Variants in RIMS2 observed in about 807,000 individuals in gnomAD.
RIMS2 encodes the protein regulating synaptic membrane exocytosis 2, also known as regulating synaptic membrane exocytosis protein 2.
A neutral mutation model predicts 174.4 loss-of-function variants in RIMS2; 59 were observed. That is an observed-to-expected ratio of 0.34 (90% CI 0.27 to 0.42). The LOEUF (loss-of-function observed/expected upper bound fraction) is 0.42, where lower values mean the gene tolerates loss of function less well. RIMS2 is among the 10% of genes least tolerant of loss of function. RIMS2 has a pLI of 1.00. For synonymous variants in RIMS2, 606 were observed against 572.5 expected, an observed-to-expected ratio of 1.06 and a Z score of -0.84; for missense variants, 1,620 against 1,666.3, an observed-to-expected ratio of 0.97 and a Z score of 0.48.
intron 1 of RIMS2, among the ~76,000 whole-genome samples, chr8:103,594,610 G>T (rs2094412588): frequency 6.6e-6 from 1 of 151,650 alleles, no homozygotes; most frequent in Admixed American, 6.6e-5. Context: ...CACGTAAATG[G>T]TCTGCAAATA....
intron 1 of RIMS2, among the ~76,000 whole-genome samples, chr8:103,695,170 C>T (rs1336248004): frequency 1.3e-5 from 2 of 152,154 alleles, no homozygotes; most frequent in East Asian, 1.9e-4. Flanking sequence ...CCTTTTTACC[C>T]TGTTCAGTGC....
chr8:103,972,654 G>A (rs2093010096), intron 15 of RIMS2, among the ~76,000 whole-genome samples: 1 of 152,226 alleles, frequency 6.6e-6, no homozygotes, highest in South Asian at 2.1e-4. Flanking sequence ...GAACATGTGA[G>A]ACGCACTGCT....
chr8:103,632,542 T>A (rs1348204247), intron 1 of RIMS2, among the ~76,000 whole-genome samples: 1 of 151,942 alleles, frequency 6.6e-6, no homozygotes, highest in Non-Finnish European at 1.5e-5. Flanking sequence ...TGCCTCAGCC[T>A]CCTGAGTAGC....
At chr8:104,248,891 T>TTCTCTATCTCTCTCTCTC in intron 21 of RIMS2, 78 bp downstream of exon 27, 1 of 626,516 alleles carries the variant, frequency 1.6e-6, no homozygotes. Context: ...TCATAGAATC[T>TTCTCTATCTCTCTCTCTC]TCTCTCTCTC....
exon 4 of RIMS2, chr8:103,885,619 C>G (rs1195557206): frequency 6.2e-7 from 1 of 1,613,038 alleles, no homozygotes; most frequent in Non-Finnish European, 8.5e-7. Context: ...CGAATTTGGC[C>G]CGTTATCCAG....
At chr8:104,211,979 G>A (rs936356583) in intron 19 of RIMS2, among the ~76,000 whole-genome samples, 5 of 145,248 alleles carry the variant, frequency 3.4e-5, no homozygotes, top group African/African-American at 1.0e-4. Flanking sequence ...GGAGGCACAC[G>A]GTAAGGGAAA....
Position 104,069,176 on chromosome 8 carries a change from G to A in RIMS2, c.3334+54561G>A, listed in dbSNP as rs544462605. Among the ~76,000 whole-genome samples the A allele has an allele frequency of 7.2e-5, 11 of 152,258 alleles. No individual in the cohort carries two copies. In the South Asian group the frequency reaches 1.7e-3, roughly 23 times the overall value. ...TACTTTATTATAAAATAGGCTTTCA[G>A]TTAGATGATTTTGCCCAACTATAGG... On this transcript the variant is annotated intron_variant, in intron 19 of 23. Coordinates refer to ENST00000504942, the Ensembl canonical transcript of RIMS2.
intron 17 of RIMS2, among the ~76,000 whole-genome samples, chr8:103,994,778 A>G (rs1026790082): frequency 1.3e-5 from 2 of 152,156 alleles, no homozygotes; most frequent in Non-Finnish European, 2.9e-5. Context: ...TTAAGAACTA[A>G]CATGACTAGA....
chr8:103,832,130 T>C (rs2098829528), intron 3 of RIMS2, among the ~76,000 whole-genome samples: 1 of 152,230 alleles, frequency 6.6e-6, no homozygotes, highest in Non-Finnish European at 1.5e-5. Context: ...CTTTTTGTAG[T>C]CATTTACTTT....
rs999073685 is a variant in RIMS2 at position 104,019,722 on chromosome 8, G to A, written c.3334+5107G>A. On this transcript the variant is annotated intron_variant, in intron 19 of 23. Coordinates refer to ENST00000504942, the Ensembl canonical transcript of RIMS2. The stretch of plus-strand genomic sequence containing the variant: ...AATGTCACCCTTCTTCCATTTTCCT[G>A]CAATAATTTAGGAATTGCATTTTTA... 2.0e-5 allele frequency among the ~76,000 whole-genome samples: 3 copies of A among 152,120 alleles called. No individual in the cohort carries two copies. The East Asian group carries it at 5.8e-4, about 29-fold the overall frequency.
At chr8:104,128,076 CAG>C (rs1314541346) in intron 19 of RIMS2, among the ~76,000 whole-genome samples, 1 of 152,120 alleles carries the variant, frequency 6.6e-6, no homozygotes, top group Non-Finnish European at 1.5e-5. Flanking sequence ...ACAGGTGAAA[CAG>C]GGAGTTTCTT....
intron 1 of RIMS2, among the ~76,000 whole-genome samples, chr8:103,648,535 G>A (rs1161578814): frequency 2.0e-5 from 3 of 152,136 alleles, no homozygotes; most frequent in African/African-American, 2.4e-5. Flanking sequence ...CATATTGACA[G>A]TGGGGTGTTA....
intron 1 of RIMS2, among the ~76,000 whole-genome samples, chr8:103,578,096 A>G (rs1461917969): frequency 6.6e-6 from 1 of 152,234 alleles, no homozygotes; most frequent in Non-Finnish European, 1.5e-5. Flanking sequence ...ACCTTGGAAA[A>G]GAAATAAATA....
chr8:103,998,139 T>G (rs1188210766), intron 17 of RIMS2: 1 of 1,389,398 alleles, frequency 7.2e-7, no homozygotes, highest in East Asian at 2.3e-5. Context: ...TTTTTTCACT[T>G]CTTTCTTGAG....
intron 1 of RIMS2, among the ~76,000 whole-genome samples, chr8:103,641,955 A>G (rs568540368): frequency 6.6e-6 from 1 of 152,218 alleles, no homozygotes; most frequent in Non-Finnish European, 1.5e-5. Flanking sequence ...CTTTATAGCA[A>G]CACAAATGGA....
chr8:103,544,823 G>C (rs1844242542), intron 1 of RIMS2, among the ~76,000 whole-genome samples: 1 of 152,162 alleles, frequency 6.6e-6, no homozygotes, highest in South Asian at 2.1e-4. Flanking sequence ...AAAGCGAGTT[G>C]AGTGAACCCA....
At chr8:103,884,143 G>C (rs941778743) in intron 3 of RIMS2, among the ~76,000 whole-genome samples, 1 of 151,760 alleles carries the variant, frequency 6.6e-6, no homozygotes, top group African/African-American at 2.4e-5. Context: ...TCTGTGACCC[G>C]GGGGAGATAT....
At chr8:103,732,596 T>C (rs2097617520) in intron 2 of RIMS2, among the ~76,000 whole-genome samples, 1 of 152,004 alleles carries the variant, frequency 6.6e-6, no homozygotes, top group Non-Finnish European at 1.5e-5. Context: ...GGGCCTGGAG[T>C]TGGGAACCCT....
chr8:103,647,885 AT>A (rs561501035), intron 1 of RIMS2, among the ~76,000 whole-genome samples: 18 of 116,742 alleles, frequency 1.5e-4, no homozygotes, highest in Admixed American at 5.5e-4. Context: ...GGGTTCATTG[AT>A]TTTTTTTTGA....
Sources: gnomAD v4.1 joint callset for allele counts (sites outside exome capture counted in the v4.1 genomes callset) on GRCh38, gnomAD v4.1.1 for gene constraint, MANE v1.5 for transcripts, NCBI Gene and HGNC (gene_info 2026-07-23, HGNC 2026-07-21) for gene names.